HTT: variants seen among roughly 807,000 people sequenced by gnomAD.
HTT encodes the protein huntingtin.
In HTT, 104 loss-of-function variants were observed where a neutral mutation model predicts 362.3. That is an observed-to-expected ratio of 0.29 (90% CI 0.24 to 0.34). The LOEUF is 0.34. Ranked by LOEUF, HTT falls within the 10% of genes least tolerant of loss-of-function variation. HTT has a pLI of 1.00. For synonymous variants in HTT, 1,577 were observed against 1,548.7 expected, an observed-to-expected ratio of 1.02 and a Z score of -0.43; for missense variants, 3,301 against 3,928.6, an observed-to-expected ratio of 0.84 and a Z score of 4.27.
intron 2 of HTT, among the ~76,000 whole-genome samples, chr4:3,094,557 C>G (rs1380270582): frequency 2.0e-5 from 3 of 148,372 alleles, no homozygotes; most frequent in Non-Finnish European, 4.5e-5. Context: ...CCCCCACCTC[C>G]CGGACGGGGC....
intron 53 of HTT, among the ~76,000 whole-genome samples, chr4:3,221,489 T>C (rs1482126886): frequency 6.6e-6 from 1 of 152,272 alleles, no homozygotes; most frequent in Non-Finnish European, 1.5e-5. Context: ...TGTTCATTTT[T>C]TTCCCTGTAA....
At chr4:3,140,107 A>C (rs1477215378) in intron 21 of HTT, among the ~76,000 whole-genome samples, 2 of 152,090 alleles carry the variant, frequency 1.3e-5, no homozygotes, top group African/African-American at 4.8e-5. Flanking sequence ...CTAAAACTAC[A>C]AAAATTAGCC....
intron 51 of HTT, among the ~76,000 whole-genome samples, chr4:3,217,119 C>T (rs1051351156): frequency 2.6e-5 from 4 of 152,146 alleles, no homozygotes; most frequent in African/African-American, 9.7e-5. Flanking sequence ...TAGGAAGTTG[C>T]CCAAACTGTA....
intron 21 of HTT, among the ~76,000 whole-genome samples, chr4:3,137,749 G>A (rs2110195157): frequency 6.6e-6 from 1 of 152,316 alleles, no homozygotes; most frequent in South Asian, 2.1e-4. Flanking sequence ...TGGGGTCATA[G>A]TATAGATGGA....
In HTT at chr4:3,238,906, C is replaced by T; in HGVS notation, c.9143C>T (p.Pro3048Leu). ...CTCTCCAACTTCACGCAGAGGGCCC[C>T]GGTCGCCATGGCCACGTGGAGCCTC... ...LSLSNFTQRA[P>L]VAMATWSLSC... Residue 3048 changes from proline (P) to leucine (L), a missense_variant, in exon 66 of 67, where the codon CCG (proline) becomes CTG (leucine). This residue lies in a region of HTT where 753 missense variants were observed against 1,021.3 expected (regional missense o/e 0.74). Coordinates refer to ENST00000355072, the MANE Select transcript of HTT (RefSeq NM_001388492.1). The T allele has an allele frequency of 6.2e-7, 1 of 1,611,400 alleles. No individual in the cohort carries two copies. The highest frequency in any genetic ancestry group is 1.3e-5 in the African/African-American group (1 of 75,028).
intron 2 of HTT, among the ~76,000 whole-genome samples, chr4:3,094,773 G>C (rs1226134529): frequency 1.7e-4 from 25 of 150,966 alleles, no homozygotes; most frequent in Admixed American, 1.4e-3. Context: ...TCCCGGACGG[G>C]GCGGCTGCTG....
At chr4:3,201,718 C>A (rs1045139058) in intron 41 of HTT, among the ~76,000 whole-genome samples, 1 of 152,040 alleles carries the variant, frequency 6.6e-6, no homozygotes, top group Non-Finnish European at 1.5e-5. Context: ...GTCCAAGATG[C>A]CCATAGAGAG....
At chr4:3,173,522 T>C (rs1289589699) in intron 31 of HTT, among the ~76,000 whole-genome samples, 2 of 152,184 alleles carry the variant, frequency 1.3e-5, no homozygotes, top group Non-Finnish European at 2.9e-5. Context: ...GGTGGCACTT[T>C]TCAGGCCTGT....
At position 3,224,055 on chromosome 4, in the gene HTT, A is replaced by G. The variant is rs529061571; in HGVS notation, c.7689A>G (p.Ser2563=). The G allele has an allele frequency of 3.1e-6, 5 of 1,613,984 alleles. No homozygotes were observed. The South Asian group carries it at 4.4e-5, about 14-fold the overall frequency. Residue 2563 remains serine (S), a synonymous_variant, in exon 56 of 67, where the codon TCA becomes TCG. Coordinates refer to ENST00000355072, the MANE Select transcript of HTT (RefSeq NM_001388492.1). ...AGCAAGAGATTCAAGCAATGGTTTCAAAGAGAGAGAATATTGCCACCCATC... is the reference window on the plus strand; with the variant it reads ...AGCAAGAGATTCAAGCAATGGTTTCGAAGAGAGAGAATATTGCCACCCATC... ...IVEQEIQAMV[S]KRENIATHHL...
intron 9 of HTT, chr4:3,121,694 C>CAAAA (rs1019406950): frequency 7.5e-5 from 3 of 39,772 alleles, no homozygotes; most frequent in South Asian, 5.7e-4. Context: ...CCTGTCTCTA[C>CAAAA]AAAAAAAAAA....
At chr4:3,229,445 C>G (rs1324946656) in intron 59 of HTT, among the ~76,000 whole-genome samples, 1 of 151,034 alleles carries the variant, frequency 6.6e-6, no homozygotes, top group African/African-American at 2.4e-5. Context: ...ACATGCACCA[C>G]ACACATGCCA....
chr4:3,131,420 A>G (rs1374932579), intron 15 of HTT, 23 bp downstream of exon 15: 2 of 1,572,822 alleles, frequency 1.3e-6, no homozygotes, highest in African/African-American at 2.7e-5. Flanking sequence ...GGGGATGTGC[A>G]CAGTTGAAGG....
intron 64 of HTT, among the ~76,000 whole-genome samples, chr4:3,237,782 G>T (rs1721609540): frequency 6.6e-6 from 1 of 152,172 alleles, no homozygotes; most frequent in Non-Finnish European, 1.5e-5. Flanking sequence ...GATGAGACGG[G>T]AACGTGATGG....
At chr4:3,164,734 G>A (rs1717616135) in intron 29 of HTT, among the ~76,000 whole-genome samples, 2 of 152,100 alleles carry the variant, frequency 1.3e-5, no homozygotes, top group Non-Finnish European at 1.5e-5. Flanking sequence ...CAGAGACTAG[G>A]ATTGCAATCC....
intron 41 of HTT, among the ~76,000 whole-genome samples, chr4:3,200,198 G>C (rs1398468299): frequency 6.6e-6 from 1 of 152,154 alleles, no homozygotes; most frequent in Non-Finnish European, 1.5e-5. Flanking sequence ...TGACACCATT[G>C]CATCTTGTGG....
At chr4:3,122,364 C>T (rs915967524) in intron 9 of HTT, among the ~76,000 whole-genome samples, 1 of 152,234 alleles carries the variant, frequency 6.6e-6, no homozygotes, top group Non-Finnish European at 1.5e-5. Context: ...CGGTGTAGTG[C>T]ACAGTGTGTG....
Position 3,178,376 on chromosome 4 carries a change from C to G in HTT, c.4542C>G (p.Ile1514Met). The G allele has an allele frequency of 1.2e-6, 2 of 1,612,580 alleles. No individual in the cohort carries two copies. Among genetic ancestry groups the G allele is most frequent in the Non-Finnish European group, 1.7e-6 (2 of 1,178,608 alleles). ...ATGAACGCTATCATTCAAAACAGAT[C>G]ATTGGAATTCCTAAAATCATTCAGC... is the stretch of plus-strand genomic sequence containing the variant. ...LSYERYHSKQ[I>M]IGIPKIIQLC... The change falls in exon 35 of 67, where the codon ATC (isoleucine) becomes ATG (methionine). Residue 1514 changes from isoleucine (I) to methionine (M), a missense_variant. This residue lies in a region of HTT where 2,316 missense variants were observed against 2,658.5 expected (regional missense o/e 0.87). Transcript: ENST00000355072.
At chr4:3,172,232 G>A (rs1453042391) in intron 29 of HTT, 88 bp from the exon 30 acceptor site, 2 of 803,662 alleles carry the variant, frequency 2.5e-6, no homozygotes, top group Admixed American at 1.8e-5. Context: ...TTAAATGGAA[G>A]TTATCTTGTA....
chr4:3,193,281 T>C (rs1340651973), intron 40 of HTT, among the ~76,000 whole-genome samples: 1 of 152,280 alleles, frequency 6.6e-6, no homozygotes, highest in East Asian at 1.9e-4. Context: ...ATTATTGAAA[T>C]AATTTTCTTG....
Sources: gnomAD v4.1 joint callset for allele counts (sites outside exome capture counted in the v4.1 genomes callset) on GRCh38, gnomAD v4.1.1 for gene constraint, gnomAD v4.1.1 regional missense constraint, MANE v1.5 for transcripts, NCBI Gene and HGNC (gene_info 2026-07-23, HGNC 2026-07-21) for gene names.